ATOSA: variants seen among roughly 807,000 people sequenced by gnomAD.
The protein encoded by ATOSA is atos homolog A.
At chr15:52,658,826 A>AAAAAAAAAAG in the ATOSA span, 2 of 327,274 alleles carry the variant, frequency 6.1e-6, no homozygotes, top group Non-Finnish European at 5.5e-6. Context: ...AAAAAAAAAA[A>AAAAAAAAAAG]AAGTTAAAAA....
At chr15:52,678,358 C>A in the ATOSA span, 1 of 445,770 alleles carries the variant, frequency 2.2e-6, no homozygotes, top group Non-Finnish European at 4.1e-6. Context: ...GTCTCTGAAC[C>A]AAAACAGGAT....
chr15:52,616,938 A>T, the ATOSA span, among the ~76,000 whole-genome samples: 1 of 152,220 alleles, frequency 6.6e-6, no homozygotes, highest in African/African-American at 2.4e-5. Flanking sequence ...CTAGCAATCA[A>T]TTCCTTTAAG....
chr15:52,630,725 T>C, the ATOSA span, among the ~76,000 whole-genome samples: 3 of 152,142 alleles, frequency 2.0e-5, no homozygotes, highest in South Asian at 2.1e-4. Flanking sequence ...AGGAGACTAA[T>C]ATAAGAATGT....
chr15:52,640,913 G>T, the ATOSA span, among the ~76,000 whole-genome samples: 2 of 151,864 alleles, frequency 1.3e-5, no homozygotes, highest in South Asian at 2.1e-4. Flanking sequence ...TTAAAAAAAG[G>T]ACTACCATAT....
the ATOSA span, chr15:52,678,296 C>T: frequency 1.0e-5 from 6 of 592,888 alleles, no homozygotes; most frequent in Admixed American, 1.8e-4. Context: ...CCGGATCGAG[C>T]ACCCCCTTCC....
chr15:52,678,178 A>C, the ATOSA span: 1 of 871,724 alleles, frequency 1.1e-6, no homozygotes, highest in Non-Finnish European at 1.9e-6. Flanking sequence ...CGGACCTTGC[A>C]AGTAAACTAC....
chr15:52,596,432 T>A, the ATOSA span, among the ~76,000 whole-genome samples: 3 of 152,180 alleles, frequency 2.0e-5, no homozygotes, highest in African/African-American at 7.2e-5. Flanking sequence ...AAATTGAACA[T>A]CCATATGCGT....
chr15:52,602,495 T>C, the ATOSA span, among the ~76,000 whole-genome samples: 1 of 152,142 alleles, frequency 6.6e-6, no homozygotes, highest in Non-Finnish European at 1.5e-5. Flanking sequence ...TAAAAATAAA[T>C]CCTCACTGCC....
the ATOSA span, among the ~76,000 whole-genome samples, chr15:52,666,323 T>C: frequency 9.2e-5 from 14 of 152,352 alleles, no homozygotes; most frequent in African/African-American, 3.1e-4. Context: ...ATTTTTCTAG[T>C]TGCCCCCCAG....
At chr15:52,623,486 G>C in the ATOSA span, among the ~76,000 whole-genome samples, 1 of 151,922 alleles carries the variant, frequency 6.6e-6, no homozygotes, top group African/African-American at 2.4e-5. Context: ...GTAGATAGAG[G>C]AGAGCAGGGA....
chr15:52,659,016 G>T, the ATOSA span, among the ~76,000 whole-genome samples: 1 of 151,754 alleles, frequency 6.6e-6, no homozygotes, highest in Non-Finnish European at 1.5e-5. Context: ...ATAGTAGAGT[G>T]TACAATTTCT....
the ATOSA span, chr15:52,656,687 T>A: frequency 6.6e-6 from 1 of 152,068 alleles, no homozygotes; most frequent in Non-Finnish European, 1.5e-5. Flanking sequence ...TGGGGGTTAT[T>A]TATAAGCTAA....
the ATOSA span, among the ~76,000 whole-genome samples, chr15:52,705,249 A>C: frequency 1.2e-4 from 19 of 152,036 alleles, no homozygotes. Context: ...GCAAACTATC[A>C]CGAGGACAGA....
the ATOSA span, among the ~76,000 whole-genome samples, chr15:52,694,138 G>T: frequency 6.1e-5 from 9 of 147,736 alleles, no homozygotes; most frequent in African/African-American, 2.2e-4. Flanking sequence ...GTGTGTGTGC[G>T]TGTGTGTGTG....
the ATOSA span, among the ~76,000 whole-genome samples, chr15:52,596,850 A>T: frequency 3.3e-5 from 5 of 152,314 alleles, no homozygotes; most frequent in African/African-American, 1.2e-4. Flanking sequence ...AAAATCTTTT[A>T]CTCTTGTAAA....
the ATOSA span, among the ~76,000 whole-genome samples, chr15:52,651,642 T>G: frequency 1.3e-5 from 2 of 152,202 alleles, no homozygotes; most frequent in African/African-American, 2.4e-5. Context: ...TCCTACTCAT[T>G]GTTCAGTTCA....
the ATOSA span, among the ~76,000 whole-genome samples, chr15:52,699,914 A>C: frequency 6.6e-6 from 1 of 152,216 alleles, no homozygotes; most frequent in Non-Finnish European, 1.5e-5. Context: ...TCAGCTCTAA[A>C]GTGAGATTTC....
At chr15:52,617,685 T>C in the ATOSA span, among the ~76,000 whole-genome samples, 3 of 151,278 alleles carry the variant, frequency 2.0e-5, no homozygotes, top group African/African-American at 7.2e-5. Flanking sequence ...CTTAGCTTCA[T>C]ACAATGTAGC....
At chr15:52,704,830 C>T in the ATOSA span, among the ~76,000 whole-genome samples, 2 of 151,996 alleles carry the variant, frequency 1.3e-5, no homozygotes, top group Non-Finnish European at 2.9e-5. Context: ...GTTAGAATGG[C>T]GATCATTAAA....
Sources: gnomAD v4.1 joint callset for allele counts (sites outside exome capture counted in the v4.1 genomes callset) on GRCh38, gnomAD v4.1.1 for gene constraint, MANE v1.5 for transcripts, NCBI Gene and HGNC (gene_info 2026-07-23, HGNC 2026-07-21) for gene names.